Variants in PTPRD observed in about 807,000 individuals in gnomAD.
The protein encoded by PTPRD is protein tyrosine phosphatase receptor type D.
Under a neutral mutation model 214.5 loss-of-function variants are expected in PTPRD, and 34 were observed. The observed-to-expected ratio is 0.16, with a 90% confidence interval of 0.12 to 0.21. The LOEUF (loss-of-function observed/expected upper bound fraction) is 0.21. Among genes scored for constraint, PTPRD ranks in the 10% least tolerant of loss-of-function variants. The probability of loss-of-function intolerance (pLI) is 1.00; values close to 1 mark genes in which losing one functional copy is unlikely to be tolerated. For synonymous variants in PTPRD, 1,128 were observed against 845.7 expected (o/e 1.33, Z -5.79); for missense variants, 2,545 against 2,398.7 (o/e 1.06, Z -1.27).
intron 2 of PTPRD, among the ~76,000 whole-genome samples, chr9:10,364,840 A>G (rs2097483235): frequency 1.3e-5 from 2 of 152,168 alleles, no homozygotes; most frequent in Non-Finnish European, 2.9e-5. Flanking sequence ...TTCGTAGCTC[A>G]CTAAAATTTC....
rs34720946 is a variant in PTPRD at position 8,722,123 on chromosome 9, CTGTGTGTGTGTG to C, written c.64+11645_64+11656del. Among the ~76,000 whole-genome samples the C allele has an allele frequency of 3.7e-3, 550 of 147,476 alleles. 11 individuals carry two copies. The highest frequency in any genetic ancestry group is 0.037 in the East Asian group (179 of 4,862). ...ATTTCTCCATACATTAAGTATTACTCTGTGTGTGTGTGTGTGTGTGTGTGTGTGTGTGTGTGT... is the reference window on the plus strand; with the variant it reads ...ATTTCTCCATACATTAAGTATTACTCTGTGTGTGTGTGTGTGTGTGTGTGT... On this transcript the variant is annotated intron_variant, in intron 12 of 45. Transcript: ENST00000381196.
chr9:10,559,787 A>T (rs549056877), intron 2 of PTPRD, among the ~76,000 whole-genome samples: 46 of 152,274 alleles, frequency 3.0e-4, no homozygotes, highest in Admixed American at 2.0e-3. Context: ...ACATTTATGC[A>T]GCCAAAAAAC....
intron 8 of PTPRD, among the ~76,000 whole-genome samples, chr9:9,475,933 G>T (rs777769996): frequency 2.6e-5 from 4 of 152,018 alleles, no homozygotes; most frequent in African/African-American, 4.8e-5. Context: ...TTCACACATT[G>T]TAGGGATTAT....
intron 9 of PTPRD, among the ~76,000 whole-genome samples, chr9:9,346,211 G>C (rs892185928): frequency 6.6e-6 from 1 of 152,042 alleles, no homozygotes; most frequent in African/African-American, 2.4e-5. Context: ...CTACTAACAA[G>C]GTGTTTACAA....
chr9:9,958,267 C>T lies in PTPRD; in HGVS notation c.-471-19657G>A, dbSNP rs187284074. The stretch of plus-strand genomic sequence containing the variant: ...TGCTGTGGCTGGGTGCAGTGGCTCA[C>T]GCCTGTAATCCCAGCACTTTGGGAG... On this transcript the variant is annotated intron_variant, in intron 4 of 45. Coordinates refer to ENST00000381196, the MANE Select transcript of PTPRD (RefSeq NM_002839.4). 1.0e-3 allele frequency among the ~76,000 whole-genome samples: 159 copies of T among 152,276 alleles called. 2 individuals are homozygous for T. In the Middle Eastern group the frequency reaches 0.02, roughly 20 times the overall value.
intron 4 of PTPRD, among the ~76,000 whole-genome samples, chr9:9,962,562 G>A (rs1202527511): frequency 6.6e-6 from 1 of 152,050 alleles, no homozygotes; most frequent in Admixed American, 6.5e-5. Flanking sequence ...AATTGCCTCT[G>A]TAAACTCCGT....
intron 7 of PTPRD, among the ~76,000 whole-genome samples, chr9:9,648,638 A>C (rs1416961344): frequency 6.6e-6 from 1 of 152,306 alleles, no homozygotes; most frequent in East Asian, 1.9e-4. Context: ...GAGAGACTAC[A>C]CTAAGGAGTT....
At chr9:9,208,457 T>A (rs955150281) in intron 9 of PTPRD, among the ~76,000 whole-genome samples, 13 of 152,080 alleles carry the variant, frequency 8.5e-5, no homozygotes, top group African/African-American at 2.9e-4. Context: ...TTAATTCATA[T>A]GGAGGGGATA....
chr9:10,428,610 T>C (rs910875007), intron 2 of PTPRD, among the ~76,000 whole-genome samples: 1 of 152,046 alleles, frequency 6.6e-6, no homozygotes, highest in African/African-American at 2.4e-5. Flanking sequence ...ATGTCACATA[T>C]AGGTTCAGAG....
chr9:9,861,588 C>T (rs551173914), intron 5 of PTPRD, among the ~76,000 whole-genome samples: 1 of 152,124 alleles, frequency 6.6e-6, no homozygotes, highest in Admixed American at 6.5e-5. Context: ...CGCACATGGC[C>T]GAAATAGTTA....
chr9:8,431,404 T>A (rs931115878), intron 35 of PTPRD, among the ~76,000 whole-genome samples: 1 of 152,116 alleles, frequency 6.6e-6, no homozygotes, highest in African/African-American at 2.4e-5. Flanking sequence ...CAGTTTTAGA[T>A]GATAGTTCTT....
At chr9:8,730,581 G>C (rs1436781120) in intron 12 of PTPRD, among the ~76,000 whole-genome samples, 2 of 152,228 alleles carry the variant, frequency 1.3e-5, no homozygotes, top group Admixed American at 1.3e-4. Flanking sequence ...CAAAGAAGAT[G>C]CTAACAGTAG....
At chr9:9,475,042 T>G (rs1295569998) in intron 8 of PTPRD, among the ~76,000 whole-genome samples, 4 of 152,166 alleles carry the variant, frequency 2.6e-5, no homozygotes, top group Non-Finnish European at 4.4e-5. Context: ...AAATAAAGAA[T>G]CCTGCTAGAA....
chr9:10,118,203 T>TCTAC (rs971366722), intron 3 of PTPRD, among the ~76,000 whole-genome samples: 1 of 143,820 alleles, frequency 7.0e-6, no homozygotes, highest in Non-Finnish European at 1.5e-5. Flanking sequence ...TTATTATCTA[T>TCTAC]CTATCTATCT....
intron 7 of PTPRD, among the ~76,000 whole-genome samples, chr9:9,618,150 G>A (rs2095016307): frequency 6.8e-6 from 1 of 147,532 alleles, no homozygotes; most frequent in Non-Finnish European, 1.5e-5. Flanking sequence ...AGGCAAGATT[G>A]GAGGTGGGGT....
chr9:9,629,532 G>C (rs1038468932), intron 7 of PTPRD, among the ~76,000 whole-genome samples: 1 of 152,026 alleles, frequency 6.6e-6, no homozygotes, highest in African/African-American at 2.4e-5. Flanking sequence ...CTATAGCTGA[G>C]AAATTAAATG....
intron 8 of PTPRD, among the ~76,000 whole-genome samples, chr9:9,488,546 C>T (rs1792133532): frequency 6.6e-6 from 1 of 151,948 alleles, no homozygotes; most frequent in African/African-American, 2.4e-5. Context: ...TTCCACCGTC[C>T]CATTAGATTT....
intron 22 of PTPRD, among the ~76,000 whole-genome samples, chr9:8,506,624 G>T (rs1430618972): frequency 6.6e-6 from 1 of 152,118 alleles, no homozygotes; most frequent in African/African-American, 2.4e-5. Context: ...TAATAAGAAA[G>T]GCTAGCTCCA....
intron 35 of PTPRD, among the ~76,000 whole-genome samples, chr9:8,413,070 G>C (rs900118199): frequency 2.0e-5 from 3 of 152,106 alleles, no homozygotes; most frequent in African/African-American, 7.2e-5. Flanking sequence ...TTAAAAGTCG[G>C]ATTAGTTGAG....
Sources: allele counts gnomAD v4.1 joint callset (sites outside exome capture counted in the v4.1 genomes callset), GRCh38; gene constraint gnomAD v4.1.1; transcripts MANE v1.5; gene names NCBI Gene and HGNC (gene_info 2026-07-23, HGNC 2026-07-21).